PTPRN2: variants seen among roughly 807,000 people sequenced by gnomAD.
The protein encoded by PTPRN2 is receptor-type tyrosine-protein phosphatase N2.
In PTPRN2, 74 loss-of-function variants were observed where a neutral mutation model predicts 118.8. The ratio of observed to expected loss-of-function variants is 0.62; its 90% CI spans 0.52 to 0.76. PTPRN2 has a LOEUF of 0.76. Ranked by LOEUF, PTPRN2 falls within the 30% of genes least tolerant of loss-of-function variation. The pLI, the probability that PTPRN2 is intolerant of heterozygous loss-of-function variation, is 0.00. For synonymous variants in PTPRN2, 641 were observed against 608.0 expected, an observed-to-expected ratio of 1.05 and a Z score of -0.80; for missense variants, 1,481 against 1,394.4, an observed-to-expected ratio of 1.06 and a Z score of -0.99.
chr7:158,352,532 A>G (rs1808081967), intron 2 of PTPRN2, among the ~76,000 whole-genome samples: 1 of 152,220 alleles, frequency 6.6e-6, no homozygotes, highest in African/African-American at 2.4e-5. Flanking sequence ...CCCGTGCTGC[A>G]GCCGATTCGT....
At chr7:157,922,925 G>A (rs774822171) in intron 11 of PTPRN2, among the ~76,000 whole-genome samples, 1 of 152,244 alleles carries the variant, frequency 6.6e-6, no homozygotes, top group Non-Finnish European at 1.5e-5. Flanking sequence ...CCAGTGGCAA[G>A]CCTGCTCTGG....
chr7:158,197,953 T>C (rs1826340630), intron 4 of PTPRN2, among the ~76,000 whole-genome samples: 1 of 152,240 alleles, frequency 6.6e-6, no homozygotes, highest in Admixed American at 6.5e-5. Context: ...GTTACACTGA[T>C]ACAGATGTAA....
chr7:158,146,056 A>G (rs1267511998), intron 6 of PTPRN2, among the ~76,000 whole-genome samples: 1 of 113,520 alleles, frequency 8.8e-6, no homozygotes, highest in African/African-American at 2.9e-5. Context: ...TTAGTTTTCC[A>G]CTCTTTTCCC....
intron 2 of PTPRN2, among the ~76,000 whole-genome samples, chr7:158,391,795 C>CGG (rs1457083464): frequency 6.6e-6 from 1 of 152,132 alleles, no homozygotes; most frequent in Admixed American, 6.5e-5. Flanking sequence ...GTACCGGGGG[C>CGG]GGGGGAGGAA....
intron 13 of PTPRN2, among the ~76,000 whole-genome samples, chr7:157,663,387 C>T (rs187837911): frequency 8.5e-5 from 13 of 152,294 alleles, no homozygotes; most frequent in Admixed American, 7.2e-4. Flanking sequence ...TCTCCCTTGG[C>T]GATAAACACA....
At chr7:158,071,382 C>CTTG (rs1554528318) in intron 11 of PTPRN2, among the ~76,000 whole-genome samples, 4 of 58,794 alleles carry the variant, frequency 6.8e-5, no homozygotes, top group Non-Finnish European at 1.3e-4. Flanking sequence ...GGTGGAGGTG[C>CTTG]TCGTGGTGGA....
Position 157,784,859 on chromosome 7 carries a change from T to A in PTPRN2, c.1789-101922A>T, listed in dbSNP as rs1803925333. Among the ~76,000 whole-genome samples, 1 of 152,016 alleles carries A rather than the reference T, an allele frequency of 6.6e-6. No homozygotes were observed. On this transcript the variant is annotated intron_variant, in intron 12 of 22. Coordinates refer to ENST00000389418, the MANE Select transcript of PTPRN2 (RefSeq NM_002847.5). This position sits in a 1 kb window ranked among gnomAD's most constrained non-coding sequence, Gnocchi z 4.6. Reference sequence around the variant, plus strand: ...GGGCCCAGGGGGCCTGGACAAGTAATAAGGTCAAGATATTTTTGGACTTGT... The same window carrying A: ...GGGCCCAGGGGGCCTGGACAAGTAAAAAGGTCAAGATATTTTTGGACTTGT...
In PTPRN2 at chr7:158,544,138, G is replaced by C. The variant is rs1586912529; in HGVS notation, c.112+43420C>G. Among the ~76,000 whole-genome samples, 1 of 152,120 alleles carries C rather than the reference G, an allele frequency of 6.6e-6. No individual in the cohort carries two copies. Among genetic ancestry groups the C allele is most frequent in the African/African-American group, 2.4e-5 (1 of 41,418 alleles). ...GGATATGTACACCCGCCTGGGAGGG[G>C]CCAGAACCCAGTCCACACTCTGCCC... On this transcript the variant is annotated intron_variant, in intron 1 of 22. Coordinates refer to ENST00000389418, the MANE Select transcript of PTPRN2 (RefSeq NM_002847.5). The surrounding 1 kb of genome is among the most constrained non-coding windows in gnomAD (Gnocchi z 4.2).
chr7:158,405,969 T>G (rs376022271), intron 2 of PTPRN2, among the ~76,000 whole-genome samples: 2 of 132,640 alleles, frequency 1.5e-5, no homozygotes, highest in African/African-American at 5.8e-5. Flanking sequence ...GAGACACGTG[T>G]CCGCACACTG....
Position 157,619,503 on chromosome 7 carries a change from C to T in PTPRN2, c.2344+1859G>A, listed in dbSNP as rs972759082. ...CTGTTAGTAGCCCCCGACACAGGGC[C>T]GGTGCTTAGTAAATATCTGTTAGTT... On this transcript the variant is annotated intron_variant, in intron 15 of 22. Coordinates refer to ENST00000389418, the MANE Select transcript of PTPRN2 (RefSeq NM_002847.5). The surrounding 1 kb of genome is among the most constrained non-coding windows in gnomAD (Gnocchi z 5.3). Among the ~76,000 whole-genome samples, 8 of 152,230 alleles carry T rather than the reference C, an allele frequency of 5.3e-5. No individual in the cohort carries two copies. In the East Asian group the frequency reaches 7.7e-4, roughly 15 times the overall value.
Position 158,361,182 on chromosome 7 carries a change from T to C in PTPRN2, c.164-44250A>G, listed in dbSNP as rs142804202. Among the ~76,000 whole-genome samples the C allele has an allele frequency of 3.6e-4, 2 of 5,498 alleles. 1 individual carries two copies. Among genetic ancestry groups the C allele is most frequent in the Non-Finnish European group, 7.4e-4 (2 of 2,712 alleles). 3.6% of individuals were successfully genotyped at this position (5,498 alleles called of 152,430 possible). ...CTGCATCCACCCTCACCCAGGATGA[T>C]GCGCAGACCCCACACCCTGGCAACC... is the stretch of plus-strand genomic sequence containing the variant. On this transcript the variant is annotated intron_variant, in intron 2 of 22. Coordinates refer to ENST00000389418, the MANE Select transcript of PTPRN2 (RefSeq NM_002847.5).
intron 21 of PTPRN2, among the ~76,000 whole-genome samples, chr7:157,566,512 T>C (rs1054181991): frequency 1.3e-5 from 2 of 152,130 alleles, no homozygotes; most frequent in African/African-American, 4.8e-5. Context: ...GACTGTGGCC[T>C]GGGACCCGGG....
chr7:157,624,343 C>A (rs1402234620), intron 14 of PTPRN2, among the ~76,000 whole-genome samples: 1 of 152,004 alleles, frequency 6.6e-6, no homozygotes, highest in Non-Finnish European at 1.5e-5. Context: ...ATCGCTTGAA[C>A]CTGGGAAGCG....
At chr7:158,321,698 T>C (rs533517841) in intron 2 of PTPRN2, among the ~76,000 whole-genome samples, 2 of 152,334 alleles carry the variant, frequency 1.3e-5, no homozygotes, top group African/African-American at 4.8e-5. Context: ...CTGAAAATCA[T>C]GGGAGATGAG....
chr7:158,164,425 G>A (rs1168884719), intron 6 of PTPRN2, among the ~76,000 whole-genome samples: 2 of 131,292 alleles, frequency 1.5e-5, no homozygotes, highest in South Asian at 2.7e-4. Context: ...GGAAGGGCTC[G>A]CAGAGCAGGA....
chr7:158,081,364 C>T lies in PTPRN2; in HGVS notation c.1657G>A (p.Ala553Thr). The change falls in exon 11 of 23, where the codon GCA becomes ACA. Residue 553 changes from alanine (A) to threonine (T), a missense_variant. Transcript: ENST00000389418. ...AFADVEVLGP[A>T]VTFKVSANVQ... is the part of the protein sequence containing the mutation. ...TTGGCGCTCACTTTGAAGGTCACTG[C>T]TGGTCCGAGAACCCTGGAAGGGATA... The T allele has an allele frequency of 6.2e-7, 1 of 1,614,148 alleles. No individual in the cohort carries two copies. The highest frequency in any genetic ancestry group is 1.1e-5 in the South Asian group (1 of 91,086).
intron 12 of PTPRN2, among the ~76,000 whole-genome samples, chr7:157,757,076 T>A (rs1453615974): frequency 6.6e-6 from 1 of 152,294 alleles, no homozygotes; most frequent in South Asian, 2.1e-4. Flanking sequence ...GACTATGGTA[T>A]GCTATGCGGC....
At position 157,898,554 on chromosome 7, in the gene PTPRN2, A is replaced by G. The variant is rs1797262148; in HGVS notation, c.1788+119T>C. On this transcript the variant is annotated intron_variant, in intron 12 of 22. Coordinates refer to ENST00000389418, the MANE Select transcript of PTPRN2 (RefSeq NM_002847.5). Reference sequence around the variant, plus strand: ...CCTGCTGCAGCCCACTGGTCCTCCCAGGAAAACAGGACCTTGGCTGAATTA... The same window carrying G: ...CCTGCTGCAGCCCACTGGTCCTCCCGGGAAAACAGGACCTTGGCTGAATTA... The G allele has an allele frequency of 2.8e-6, 3 of 1,060,118 alleles. No individual in the cohort carries two copies. The South Asian group carries it at 4.1e-5, about 15-fold the overall frequency. The allele number at this position is 1,060,118 out of a possible 1,614,324, so 65.7% of individuals were successfully genotyped here.
chr7:157,672,245 G>A (rs1796453830), intron 13 of PTPRN2, among the ~76,000 whole-genome samples: 1 of 152,152 alleles, frequency 6.6e-6, no homozygotes, highest in African/African-American at 2.4e-5. Context: ...AGGAAGGGGA[G>A]CCTGGAAATC....
Sources: allele counts gnomAD v4.1 joint callset (sites outside exome capture counted in the v4.1 genomes callset), GRCh38; gene constraint gnomAD v4.1.1; non-coding constraint Gnocchi (gnomAD v3.1); transcripts MANE v1.5; gene names NCBI Gene and HGNC (gene_info 2026-07-23, HGNC 2026-07-21).